The following SARS1 variants were observed in gnomAD, a reference collection of about 807,000 sequenced individuals.
SARS1 encodes serine--tRNA ligase, cytoplasmic.
In SARS1, 25 loss-of-function variants were observed where a neutral mutation model predicts 63.7. That is an observed-to-expected ratio of 0.39 (90% CI 0.29 to 0.55). The LOEUF is 0.55. Among genes scored for constraint, SARS1 ranks in the 20% least tolerant of loss-of-function variants. The pLI is 0.62. For synonymous variants in SARS1, 231 were observed against 243.5 expected, an observed-to-expected ratio of 0.95 and a Z score of 0.48; for missense variants, 417 against 649.7, an observed-to-expected ratio of 0.64 and a Z score of 3.89.
At chr1:109,224,172 C>G in intron 2 of SARS1, 124 bp downstream of exon 2, 1 of 725,286 alleles carries the variant, frequency 1.4e-6, no homozygotes, top group South Asian at 1.7e-5. Context: ...AATTTCTTAC[C>G]AAAGGGGAAA....
chr1:109,216,571 A>G (rs1654793567), intron 1 of SARS1: 1 of 985,138 alleles, frequency 1.0e-6, no homozygotes, highest in Admixed American at 6.2e-5. Context: ...TCCTCCCTCA[A>G]AAAGTGCTAT....
intron 3 of SARS1, among the ~76,000 whole-genome samples, chr1:109,229,176 A>G (rs1257811158): frequency 6.6e-6 from 1 of 152,232 alleles, no homozygotes; most frequent in African/African-American, 2.4e-5. Context: ...AGTGGCCAGA[A>G]CTATCTATCT....
rs916157435 is a variant in SARS1, at chr1:109,214,106, G to A, written c.114G>A (p.Lys38=). The A allele has an allele frequency of 3.1e-6, 5 of 1,613,852 alleles. No homozygotes were observed. The highest frequency in any genetic ancestry group is 4.2e-6 in the Non-Finnish European group (5 of 1,179,914). Residue 38 remains lysine (K), a synonymous_variant, in exon 1 of 11, where the codon AAG becomes AAA. Transcript: ENST00000234677. The surrounding 1 kb of genome is among the most constrained non-coding windows in gnomAD (Gnocchi z 4.6). ...CGGGACTAGTGGACCAGCTGGTGAA[G>A]GCAGACAGCGAGTGGCGACGATGTA... ...KDPGLVDQLV[K]ADSEWRRCRF...
intron 4 of SARS1, 130 bp downstream of exon 4, chr1:109,229,702 C>T: frequency 1.1e-6 from 1 of 901,524 alleles, no homozygotes; most frequent in South Asian, 1.8e-5. Context: ...TTCCCTCTGC[C>T]CACCAATTGA....
intron 1 of SARS1, among the ~76,000 whole-genome samples, chr1:109,220,069 G>A (rs924143333): frequency 2.0e-5 from 3 of 152,028 alleles, no homozygotes; most frequent in Non-Finnish European, 4.4e-5. Flanking sequence ...ATATTTATAG[G>A]GTACAATGTA....
chr1:109,220,911 T>G (rs933917308), intron 1 of SARS1, among the ~76,000 whole-genome samples: 25 of 151,988 alleles, frequency 1.6e-4, no homozygotes, highest in Admixed American at 1.6e-3. Flanking sequence ...TTAATTTTGG[T>G]GTATTATGTG....
chr1:109,229,477 G>C lies in SARS1; in HGVS notation c.352G>C (p.Asp118His). ...LLIDEAILKCDAERIKLEAER... is the reference protein window; with the variant it reads ...LLIDEAILKCHAERIKLEAER... The stretch of plus-strand genomic sequence containing the variant: ...CATTGATGAAGCCATCCTGAAGTGT[G>C]ACGCGGAGCGGATAAAGTTGGAAGC... The change falls in exon 4 of 11, where the codon GAC becomes CAC. Residue 118 changes from aspartate (D) to histidine (H), a missense_variant. Transcript: ENST00000234677. 6.2e-7 allele frequency: 1 copy of C among 1,614,186 alleles called. No individual in the cohort carries two copies. Among genetic ancestry groups the C allele is most frequent in the Non-Finnish European group, 8.5e-7 (1 of 1,180,026 alleles).
rs1655160910 is a variant in SARS1 at position 109,229,517 on chromosome 1, AC to A, written c.394del (p.Leu132SerfsTer24). ...RIKLEAERFE[N>X]LREIGNLLHP... Reference sequence around the variant, plus strand: ...AAGTTGGAAGCAGAGCGGTTTGAGAACCTCCGAGAGATTGGGAACCTTCTGC... The same window carrying A: ...AAGTTGGAAGCAGAGCGGTTTGAGAACTCCGAGAGATTGGGAACCTTCTGC... On this transcript the variant is annotated frameshift_variant, in exon 4 of 11. Transcript: ENST00000234677. LOFTEE classifies it high-confidence loss of function. 1 of 1,614,070 alleles carries A rather than the reference AC, an allele frequency of 6.2e-7. No individual in the cohort carries two copies. Among genetic ancestry groups the A allele is most frequent in the African/African-American group, 1.3e-5 (1 of 74,936 alleles).
intron 1 of SARS1, among the ~76,000 whole-genome samples, chr1:109,217,396 T>C (rs529829401): frequency 1.3e-5 from 2 of 152,212 alleles, no homozygotes; most frequent in Non-Finnish European, 2.9e-5. Context: ...TTACTATTGA[T>C]CATAAAGTTT....
intron 3 of SARS1, among the ~76,000 whole-genome samples, chr1:109,228,640 C>G: frequency 6.6e-6 from 1 of 152,010 alleles, no homozygotes; most frequent in East Asian, 1.9e-4. Context: ...GTGGGAGAGT[C>G]GGAGAGTCAA....
Position 109,226,701 on chromosome 1 carries a change from C to CATATATATATATAT in SARS1, c.208-1650_208-1649insTATATATATATATA, listed in dbSNP as rs61204287. Among the ~76,000 whole-genome samples, 174 of 69,758 alleles carry CATATATATATATAT rather than the reference C, an allele frequency of 2.5e-3. 1 individual carries two copies. Among genetic ancestry groups the CATATATATATATAT allele is most frequent in the South Asian group, 8.9e-3 (18 of 2,020 alleles). 45.8% of individuals were successfully genotyped at this position (69,758 alleles called of 152,430 possible). A position where few individuals can be genotyped will look rare whatever the true frequency, so the allele number is the denominator to read the frequency against. Reference sequence around the variant, plus strand: ...AAATATATATATATATATATATACACACACACACACACACACACACACACA... The same window carrying CATATATATATATAT: ...AAATATATATATATATATATATACACATATATATATATATACACACACACACACACACACACACA... On this transcript the variant is annotated intron_variant, in intron 2 of 10. Coordinates refer to ENST00000234677, the MANE Select transcript of SARS1 (RefSeq NM_006513.4).
At chr1:109,221,970 G>GTGTGTGTGTGTGTGTA (rs1654939076) in intron 1 of SARS1, among the ~76,000 whole-genome samples, 1 of 28,056 alleles carries the variant, frequency 3.6e-5, no homozygotes, top group Non-Finnish European at 6.2e-5. Flanking sequence ...TTGTGTGTGT[G>GTGTGTGTGTGTGTGTA]TATATATATA....
chr1:109,215,649 T>G, intron 1 of SARS1: 1 of 965,828 alleles, frequency 1.0e-6, no homozygotes, highest in Non-Finnish European at 1.2e-6. Context: ...TTATGTAGTT[T>G]ATGTTATTGT....
chr1:109,215,779 C>T, intron 1 of SARS1: 1 of 489,440 alleles, frequency 2.0e-6, no homozygotes, highest in Non-Finnish European at 2.7e-6. Flanking sequence ...CATCTCGGCT[C>T]ACTGCAACCT....
At chr1:109,225,107 C>T (rs1267286399) in intron 2 of SARS1, among the ~76,000 whole-genome samples, 1 of 151,976 alleles carries the variant, frequency 6.6e-6, no homozygotes, top group Non-Finnish European at 1.5e-5. Flanking sequence ...AACCCTGTCT[C>T]CAAAATAAAT....
chr1:109,237,922 T>C lies in SARS1; in HGVS notation c.*34T>C, dbSNP rs1284370362. On this transcript the variant is annotated 3_prime_UTR_variant, in exon 11 of 11. Transcript: ENST00000234677. The surrounding 1 kb of genome is among the most constrained non-coding windows in gnomAD (Gnocchi z 4.1). ...GCCTCCCTATTTGCCAGGCTTTCAT[T>C]TCTGTCTGCTGAGATCTCAGAGCCT... 6.2e-7 allele frequency: 1 copy of C among 1,610,308 alleles called. No homozygotes were observed. Among genetic ancestry groups the C allele is most frequent in the African/African-American group, 1.3e-5 (1 of 74,908 alleles).
intron 4 of SARS1, among the ~76,000 whole-genome samples, chr1:109,230,519 A>G (rs1392920107): frequency 1.3e-5 from 2 of 152,182 alleles, no homozygotes; most frequent in South Asian, 2.1e-4. Flanking sequence ...AAGAAATCAT[A>G]TATCAAGCTT....
chr1:109,219,898 A>G (rs1366931578), intron 1 of SARS1, among the ~76,000 whole-genome samples: 2 of 152,200 alleles, frequency 1.3e-5, no homozygotes, highest in African/African-American at 2.4e-5. Context: ...ATTGCTATAT[A>G]ATACTCCATT....
rs1000263706 is a variant in SARS1 at position 109,214,305 on chromosome 1, C to A, written c.136+177C>A. ...CACAGCCTGGTCGCCGGGGTCATCC[C>A]ACTTTCTCCTCCACCCGGGCGGAGC... On this transcript the variant is annotated intron_variant, in intron 1 of 10. Transcript: ENST00000234677. This position sits in a 1 kb window ranked among gnomAD's most constrained non-coding sequence, Gnocchi z 4.6. Among the ~76,000 whole-genome samples the A allele has an allele frequency of 3.9e-5, 6 of 152,250 alleles. No homozygotes were observed. The highest frequency in any genetic ancestry group is 1.4e-4 in the African/African-American group (6 of 41,476).
Sources: allele counts gnomAD v4.1 joint callset (sites outside exome capture counted in the v4.1 genomes callset), GRCh38; gene constraint gnomAD v4.1.1; non-coding constraint Gnocchi (gnomAD v3.1); transcripts MANE v1.5; gene names NCBI Gene and HGNC (gene_info 2026-07-23, HGNC 2026-07-21).